Variants in OLFM4 observed in about 807,000 individuals in gnomAD.
OLFM4 encodes olfactomedin 4, also known as olfactomedin-4.
A neutral mutation model predicts 25.5 loss-of-function variants in OLFM4; 22 were observed. The observed-to-expected ratio is 0.86, with a 90% CI of 0.62 to 1.23. The LOEUF (loss-of-function observed/expected upper bound fraction) is 1.23. Ranked by LOEUF, OLFM4 falls within the 50% of genes most tolerant of loss-of-function variation. The pLI is 0.00. For missense variants in OLFM4, 594 were observed against 619.4 expected, an observed-to-expected ratio of 0.96 and a Z score of 0.44; for synonymous variants, 255 against 237.7, an observed-to-expected ratio of 1.07 and a Z score of -0.67.
intron 1 of OLFM4, among the ~76,000 whole-genome samples, chr13:53,029,555 G>A (rs150853867): frequency 2.0e-4 from 31 of 152,276 alleles, no homozygotes; most frequent in African/African-American, 6.0e-4. Flanking sequence ...AGTGAGAGCC[G>A]CAGTGCCCTA....
At chr13:53,035,466 T>C (rs570331630) in intron 2 of OLFM4, among the ~76,000 whole-genome samples, 21 of 152,310 alleles carry the variant, frequency 1.4e-4, no homozygotes, top group Admixed American at 1.2e-3. Context: ...AACCATCCAA[T>C]TAGACTCTTT....
intron 4 of OLFM4, among the ~76,000 whole-genome samples, chr13:53,047,121 T>C (rs577742805): frequency 6.6e-6 from 1 of 152,206 alleles, no homozygotes; most frequent in Admixed American, 6.5e-5. Context: ...GATTCAATGG[T>C]CTTTCAGAAT....
Position 53,029,034 on chromosome 13 carries a change from G to A in OLFM4, c.198G>A (p.Val66=). 1 of 1,614,030 alleles carries A rather than the reference G, an allele frequency of 6.2e-7. No individual in the cohort carries two copies. Among genetic ancestry groups the A allele is most frequent in the Admixed American group, 1.7e-5 (1 of 60,018 alleles). Residue 66 remains valine, a synonymous_variant, in exon 1 of 5, where the codon GTG becomes GTA. Transcript: ENST00000219022. ...GCAGCTTAGGCAGCGGAGGTTCTGTGTCCCAGGTGAGGAGGCCCCAGAATC... is the reference window on the plus strand; with the variant it reads ...GCAGCTTAGGCAGCGGAGGTTCTGTATCCCAGGTGAGGAGGCCCCAGAATC... ...SSRSLGSGGS[V]SQLFSNFTGS...
chr13:53,044,344 C>T (rs1954704001), intron 4 of OLFM4, among the ~76,000 whole-genome samples: 1 of 152,180 alleles, frequency 6.6e-6, no homozygotes. Context: ...CTTCTCTCTG[C>T]AGGTCCTGAG....
rs760905124 is a variant in OLFM4 at position 53,050,386 on chromosome 13, T to C, written c.1148T>C (p.Ile383Thr). The C allele has an allele frequency of 6.2e-7, 1 of 1,614,106 alleles. No homozygotes were observed. The highest frequency in any genetic ancestry group is 2.2e-5 in the East Asian group (1 of 44,870). ...FSYANVAWQD[I>T]DFAVDENGLW... ...TATGCTAATGTTGCTTGGCAAGATA[T>C]TGACTTTGCTGTGGATGAGAATGGA... Residue 383 changes from isoleucine (I) to threonine (T), a missense_variant, in exon 5 of 5, where the codon ATT becomes ACT. Coordinates refer to ENST00000219022, the MANE Select transcript of OLFM4 (RefSeq NM_006418.5).
At position 53,050,741 on chromosome 13, in the gene OLFM4, T is replaced by C. The variant is rs371210273; in HGVS notation, c.1503T>C (p.Tyr501=). 1.4e-5 allele frequency: 23 copies of C among 1,603,618 alleles called. No individual in the cohort carries two copies. The East Asian group carries it at 4.5e-4, about 31-fold the overall frequency. ...YVYNDGYLLN[Y]DLSVLQKPQ ...ATAACGATGGTTACCTTCTGAATTA[T>C]GATCTTTCTGTCTTGCAGAAGCCCC... Residue 501 remains tyrosine (Y), a synonymous_variant, in exon 5 of 5, where the codon TAT becomes TAC. Transcript: ENST00000219022.
At chr13:53,048,852 C>G (rs1029165777) in intron 4 of OLFM4, among the ~76,000 whole-genome samples, 41 of 152,128 alleles carry the variant, frequency 2.7e-4, no homozygotes, top group African/African-American at 9.7e-4. Context: ...TCTTTGTTAT[C>G]CAATAAACCA....
At chr13:53,040,582 TCCCCAGGGAACATTTAGCAATGC>T (rs1237976489) in intron 2 of OLFM4, among the ~76,000 whole-genome samples, 5 of 152,202 alleles carry the variant, frequency 3.3e-5, no homozygotes, top group Non-Finnish European at 5.9e-5. Flanking sequence ...AACGATTTTG[TCCCCAGGGAACATTTAGCAATGC>T]CCAGAGACAT....
chr13:53,043,983 C>A (rs1954702046), intron 4 of OLFM4, among the ~76,000 whole-genome samples: 1 of 152,038 alleles, frequency 6.6e-6, no homozygotes, highest in Non-Finnish European at 1.5e-5. Flanking sequence ...GTGTAGGGTA[C>A]AAGAACATAG....
intron 1 of OLFM4, 97 bp from the exon 2 acceptor site, chr13:53,034,251 C>A: frequency 2.6e-6 from 3 of 1,162,782 alleles, no homozygotes; most frequent in African/African-American, 3.1e-5. Context: ...CACTTACTTG[C>A]CTGTAAGTAC....
chr13:53,043,044 G>T, intron 3 of OLFM4, 61 bp from the exon 4 acceptor site: 2 of 1,341,124 alleles, frequency 1.5e-6, no homozygotes, highest in Non-Finnish European at 2.0e-6. Context: ...TTCAGCCCTG[G>T]AATGTTTATG....
chr13:53,036,950 G>A (rs888594452), intron 2 of OLFM4, among the ~76,000 whole-genome samples: 1 of 152,192 alleles, frequency 6.6e-6, no homozygotes, highest in East Asian at 1.9e-4. Flanking sequence ...TGGCCATGCT[G>A]TTAGCATCCT....
chr13:53,039,352 T>C (rs766911609), intron 2 of OLFM4, among the ~76,000 whole-genome samples: 13 of 152,224 alleles, frequency 8.5e-5, no homozygotes, highest in Non-Finnish European at 1.8e-4. Context: ...CTGGCAGCCC[T>C]ATATCTGCAG....
chr13:53,043,380 T>C (rs1954698519), intron 4 of OLFM4, 116 bp downstream of exon 4: 1 of 905,324 alleles, frequency 1.1e-6, no homozygotes, highest in Non-Finnish European at 1.5e-6. Flanking sequence ...TGTTTTTTTT[T>C]TTTTTTTTTC....
rs1461972365 is a variant in OLFM4, at chr13:53,042,084, G to A, written c.532G>A (p.Gly178Ser). 6.2e-7 allele frequency: 1 copy of A among 1,613,922 alleles called. No individual in the cohort carries two copies. Among genetic ancestry groups the A allele is most frequent in the East Asian group, 2.2e-5 (1 of 44,866 alleles). ...KLVIQLKESF[G>S]GSSEIVDQLE... ...GGTCATACAGCTGAAGGAGAGTTTTGGTGGAAGCTCAGAAATTGTTGACCA... is the reference window on the plus strand; with the variant it reads ...GGTCATACAGCTGAAGGAGAGTTTTAGTGGAAGCTCAGAAATTGTTGACCA... The change falls in exon 3 of 5, where the codon GGT becomes AGT. Residue 178 changes from glycine to serine, a missense_variant. Coordinates refer to ENST00000219022, the MANE Select transcript of OLFM4 (RefSeq NM_006418.5).
intron 1 of OLFM4, among the ~76,000 whole-genome samples, chr13:53,034,044 G>T (rs1277365661): frequency 1.5e-5 from 2 of 129,490 alleles, no homozygotes; most frequent in African/African-American, 6.4e-5. Context: ...GCGACAGAGT[G>T]AGACTCCGTC....
Position 53,050,683 on chromosome 13 carries a change from A to G in OLFM4, c.1445A>G (p.Asn482Ser), listed in dbSNP as rs774499764. Residue 482 changes from asparagine to serine, a missense_variant, in exon 5 of 5, where the codon AAC (asparagine) becomes AGC (serine). Asn to Ser is a conservative substitution (Grantham distance 46, BLOSUM62 1). Transcript: ENST00000219022. ...HKMQEKVQSI[N>S]YNPFDQKLYV... The stretch of plus-strand genomic sequence containing the variant: ...ATGCAGGAAAAAGTGCAGAGCATTA[A>G]CTATAACCCTTTTGACCAGAAACTT... 2 of 1,613,840 alleles carry G rather than the reference A, an allele frequency of 1.2e-6. No homozygotes were observed. Among genetic ancestry groups the G allele is most frequent in the Non-Finnish European group, 8.5e-7 (1 of 1,179,916 alleles).
chr13:53,032,827 A>G (rs969237726), intron 1 of OLFM4, among the ~76,000 whole-genome samples: 1 of 152,176 alleles, frequency 6.6e-6, no homozygotes, highest in African/African-American at 2.4e-5. Context: ...AGTCTTCATT[A>G]TAGAAGCATC....
chr13:53,049,891 G>A (rs1305714867), intron 4 of OLFM4, 78 bp from the exon 5 acceptor site: 1 of 1,385,580 alleles, frequency 7.2e-7, no homozygotes, highest in Non-Finnish European at 9.9e-7. Flanking sequence ...GATTCCTTTG[G>A]TGCTTAGGAT....
Sources: gnomAD v4.1 joint callset for allele counts (sites outside exome capture counted in the v4.1 genomes callset) on GRCh38, gnomAD v4.1.1 for gene constraint, MANE v1.5 for transcripts, NCBI Gene and HGNC (gene_info 2026-07-23, HGNC 2026-07-21) for gene names.